CNTNAP2: variants seen among roughly 807,000 people sequenced by gnomAD.
The protein encoded by CNTNAP2 is contactin associated protein 2.
CNTNAP2 carries 98 observed loss-of-function variants against 155.2 expected under a neutral mutation model. The ratio of observed to expected loss-of-function variants is 0.63; its 90% CI spans 0.54 to 0.75. The LOEUF (loss-of-function observed/expected upper bound fraction) is 0.75, where lower values mean the gene tolerates loss of function less well. CNTNAP2 is among the 30% of genes least tolerant of loss of function. The pLI is 0.00. For missense variants in CNTNAP2, 1,727 were observed against 1,688.1 expected, an observed-to-expected ratio of 1.02 and a Z score of -0.40; for synonymous variants, 651 against 631.2, an observed-to-expected ratio of 1.03 and a Z score of -0.47.
chr7:148,301,736 C>T (rs1178603380), intron 21 of CNTNAP2, among the ~76,000 whole-genome samples: 1 of 152,110 alleles, frequency 6.6e-6, no homozygotes, highest in Non-Finnish European at 1.5e-5. Context: ...GTGGGATGGC[C>T]TTAACAAAGG....
chr7:147,491,708 T>C (rs1378994731), intron 11 of CNTNAP2, among the ~76,000 whole-genome samples: 5 of 152,154 alleles, frequency 3.3e-5, no homozygotes, highest in African/African-American at 1.2e-4. Flanking sequence ...TTAAATTTTA[T>C]TCAATGCCCT....
intron 10 of CNTNAP2, among the ~76,000 whole-genome samples, chr7:147,466,220 C>T (rs2116598284): frequency 6.6e-6 from 1 of 152,274 alleles, no homozygotes; most frequent in Admixed American, 6.5e-5. Context: ...GTGGGGAAAC[C>T]CAACAAGGCC....
intron 1 of CNTNAP2, among the ~76,000 whole-genome samples, chr7:146,170,496 T>C (rs1798374362): frequency 6.9e-6 from 1 of 145,096 alleles, no homozygotes; most frequent in Non-Finnish European, 1.5e-5. Flanking sequence ...AAAAATTAGA[T>C]GTTGAATATC....
intron 3 of CNTNAP2, among the ~76,000 whole-genome samples, chr7:146,953,385 C>G (rs768256112): frequency 2.0e-5 from 3 of 151,660 alleles, no homozygotes; most frequent in Non-Finnish European, 2.9e-5. Context: ...TCATGTTTAA[C>G]GAGATGATAA....
At chr7:147,892,155 T>C (rs1258877185) in intron 13 of CNTNAP2, among the ~76,000 whole-genome samples, 1 of 152,172 alleles carries the variant, frequency 6.6e-6, no homozygotes, top group Non-Finnish European at 1.5e-5. Context: ...AGATGAACTA[T>C]TCTTAACAGG....
At chr7:147,039,556 G>A (rs1005664651) in intron 3 of CNTNAP2, among the ~76,000 whole-genome samples, 1 of 152,136 alleles carries the variant, frequency 6.6e-6, no homozygotes, top group African/African-American at 2.4e-5. Flanking sequence ...TTTCCATGGT[G>A]TATATGTAGC....
chr7:148,056,243 T>C (rs923763040), intron 15 of CNTNAP2, among the ~76,000 whole-genome samples: 5 of 152,164 alleles, frequency 3.3e-5, no homozygotes, highest in Non-Finnish European at 5.9e-5. Flanking sequence ...TTTCCAGCCA[T>C]TTTATGTTCT....
intron 8 of CNTNAP2, among the ~76,000 whole-genome samples, chr7:147,262,948 CTG>C (rs1342060002): frequency 1.2e-4 from 18 of 152,210 alleles, no homozygotes; most frequent in African/African-American, 4.1e-4. Flanking sequence ...AGCACCCAGT[CTG>C]TGTATTTTGC....
At chr7:147,665,235 C>G (rs1795675595) in intron 13 of CNTNAP2, among the ~76,000 whole-genome samples, 2 of 152,158 alleles carry the variant, frequency 1.3e-5, no homozygotes, top group Non-Finnish European at 2.9e-5. Context: ...ATTAGATATA[C>G]TGTTTTGTGT....
intron 20 of CNTNAP2, among the ~76,000 whole-genome samples, chr7:148,250,964 C>T (rs1314045364): frequency 1.3e-5 from 2 of 152,216 alleles, no homozygotes; most frequent in Admixed American, 6.5e-5. Context: ...CCTCCTGCCT[C>T]AGCCTCCCAA....
intron 1 of CNTNAP2, among the ~76,000 whole-genome samples, chr7:146,261,358 A>G (rs1448136215): frequency 6.6e-6 from 1 of 151,638 alleles, no homozygotes; most frequent in Non-Finnish European, 1.5e-5. Context: ...TCTATGTGTA[A>G]CTCAATTAGA....
At chr7:147,867,881 C>A (rs1465125202) in intron 13 of CNTNAP2, among the ~76,000 whole-genome samples, 1 of 152,068 alleles carries the variant, frequency 6.6e-6, no homozygotes, top group Non-Finnish European at 1.5e-5. Flanking sequence ...AACTTCCTTG[C>A]AATGTGTTAG....
chr7:148,031,129 C>G (rs1487743273), intron 15 of CNTNAP2, among the ~76,000 whole-genome samples: 1 of 152,136 alleles, frequency 6.6e-6, no homozygotes, highest in African/African-American at 2.4e-5. Context: ...CTAATTGGCA[C>G]TTCCAGAATT....
intron 1 of CNTNAP2, among the ~76,000 whole-genome samples, chr7:146,477,243 T>C (rs749416003): frequency 6.6e-6 from 1 of 152,148 alleles, no homozygotes; most frequent in South Asian, 2.1e-4. Context: ...AGGACCTCAG[T>C]TGGCACTGTA....
At chr7:147,801,487 T>C (rs997085174) in intron 13 of CNTNAP2, among the ~76,000 whole-genome samples, 8 of 151,944 alleles carry the variant, frequency 5.3e-5, no homozygotes, top group African/African-American at 1.7e-4. Context: ...GCAGTGTTTG[T>C]GTCCCTGGGT....
chr7:147,713,375 A>G (rs955614911), intron 13 of CNTNAP2, among the ~76,000 whole-genome samples: 1 of 152,122 alleles, frequency 6.6e-6, no homozygotes, highest in Non-Finnish European at 1.5e-5. Context: ...TCCTGCCTCT[A>G]TAGTTTTCCA....
At chr7:146,712,387 A>G (rs1342352679) in intron 1 of CNTNAP2, among the ~76,000 whole-genome samples, 5 of 145,270 alleles carry the variant, frequency 3.4e-5, no homozygotes, top group Admixed American at 2.8e-4. Flanking sequence ...TATGTATACT[A>G]TATATATAAA....
At chr7:147,306,407 T>C (rs1795027622) in intron 9 of CNTNAP2, among the ~76,000 whole-genome samples, 1 of 152,200 alleles carries the variant, frequency 6.6e-6, no homozygotes, top group African/African-American at 2.4e-5. Context: ...AAGAATTTGA[T>C]GGTCAAATTT....
At chr7:147,264,606 T>A (rs1804566292) in intron 8 of CNTNAP2, among the ~76,000 whole-genome samples, 1 of 149,564 alleles carries the variant, frequency 6.7e-6, no homozygotes. Flanking sequence ...CGTCAAGCCA[T>A]CTCCCAGCCT....
Sources: gnomAD v4.1 joint callset for allele counts (sites outside exome capture counted in the v4.1 genomes callset) on GRCh38, gnomAD v4.1.1 for gene constraint, MANE v1.5 for transcripts, NCBI Gene and HGNC (gene_info 2026-07-23, HGNC 2026-07-21) for gene names.